The following PCED1B variants were observed in gnomAD, a reference collection of about 807,000 sequenced individuals.
The protein encoded by PCED1B is PC-esterase domain containing 1B.
For missense variants in PCED1B, 573 were observed against 573.9 expected (o/e 1.00, Z 0.02); for synonymous variants, 251 against 246.1 (o/e 1.02, Z -0.19).
intron 3 of PCED1B, among the ~76,000 whole-genome samples, chr12:47,224,380 G>C (rs1943573255): frequency 6.6e-6 from 1 of 152,130 alleles, no homozygotes; most frequent in South Asian, 2.1e-4. Flanking sequence ...GTTTATATTA[G>C]ACTATTATTA....
intron 3 of PCED1B, among the ~76,000 whole-genome samples, chr12:47,219,393 G>C (rs79043116): frequency 0.019 from 2,899 of 152,304 alleles, 41 homozygotes; most frequent in Non-Finnish European, 0.033. Context: ...CTCAACCCTA[G>C]ATTCCTGTTA....
intron 2 of PCED1B, among the ~76,000 whole-genome samples, chr12:47,157,013 A>G (rs2137482263): frequency 6.6e-6 from 1 of 152,174 alleles, no homozygotes; most frequent in African/African-American, 2.4e-5. Context: ...TTATAGTAAA[A>G]CTTGTCTCCT....
At chr12:47,095,818 T>C (rs1476686956) in intron 1 of PCED1B, among the ~76,000 whole-genome samples, 1 of 152,244 alleles carries the variant, frequency 6.6e-6, no homozygotes, top group Non-Finnish European at 1.5e-5. Flanking sequence ...ATCATTTCAC[T>C]ATTTATTTTT....
intron 2 of PCED1B, among the ~76,000 whole-genome samples, chr12:47,211,690 G>A (rs1212156986): frequency 6.7e-6 from 1 of 148,218 alleles, no homozygotes; most frequent in East Asian, 2.0e-4. Context: ...GGGCGCAGTG[G>A]CTCAGGCCTG....
chr12:47,202,027 T>C (rs996360547), intron 2 of PCED1B, among the ~76,000 whole-genome samples: 9 of 152,228 alleles, frequency 5.9e-5, no homozygotes, highest in Admixed American at 2.6e-4. Context: ...GATCAAGTAC[T>C]ATATTAGTTA....
In PCED1B at chr12:47,235,060, C is replaced by G; in HGVS notation, c.-4C>G. The G allele has an allele frequency of 6.6e-7, 1 of 1,522,916 alleles. No homozygotes were observed. The highest frequency in any genetic ancestry group is 8.8e-7 in the Non-Finnish European group (1 of 1,137,342). The allele number at this position is 1,522,916 out of a possible 1,614,324, so 94.3% of individuals were successfully genotyped here. ...AAGGAGCTAGGCTGTGCGCCCTGGG[C>G]GTCATGATCCTTCTGCGGGCCTCCG... On this transcript the variant is annotated 5_prime_UTR_variant, in exon 4 of 4. Transcript: ENST00000546455.
intron 2 of PCED1B, among the ~76,000 whole-genome samples, chr12:47,174,442 A>AAAAT (rs145322012): frequency 0.019 from 2,826 of 150,974 alleles, 74 homozygotes; most frequent in African/African-American, 0.062. Flanking sequence ...ACAAACAAAC[A>AAAAT]AAATAAATAA....
rs992423167 is a variant in PCED1B, at chr12:47,200,648, T to C, written c.-525-15574T>C. Among the ~76,000 whole-genome samples the C allele has an allele frequency of 1.3e-5, 2 of 152,202 alleles. 1 individual carries two copies. The highest frequency in any genetic ancestry group is 1.3e-4 in the Admixed American group (2 of 15,278). ...GCTAAAGACTTATGACCACCCCAAA[T>C]CCTGCATTTGAATGTTTGTAGCAGC... On this transcript the variant is annotated intron_variant, in intron 2 of 3. Transcript: ENST00000546455.
intron 2 of PCED1B, among the ~76,000 whole-genome samples, chr12:47,143,298 A>G (rs1368311942): frequency 6.6e-6 from 1 of 152,186 alleles, no homozygotes; most frequent in East Asian, 1.9e-4. Context: ...AGATGACATG[A>G]TCTTGTACGT....
At chr12:47,163,612 T>G (rs948034566) in intron 2 of PCED1B, among the ~76,000 whole-genome samples, 1 of 152,240 alleles carries the variant, frequency 6.6e-6, no homozygotes, top group Non-Finnish European at 1.5e-5. Context: ...TTGACTTGTT[T>G]TTTAATTATG....
At position 47,235,696 on chromosome 12, in the gene PCED1B, A is replaced by G. The variant is rs1478518659; in HGVS notation, c.633A>G (p.Val211=). The change falls in exon 4 of 4, where the codon GTA becomes GTG. Residue 211 remains valine (V), a synonymous_variant. Coordinates refer to ENST00000546455, the MANE Select transcript of PCED1B (RefSeq NM_138371.3). The part of the protein sequence containing the change: ...ATEARKHNFD[V]LDLHFHFRHA... ...AGGCACGTAAACATAACTTCGATGT[A>G]CTGGACTTGCATTTCCACTTCCGCC... 6.2e-7 allele frequency: 1 copy of G among 1,613,026 alleles called. No individual in the cohort carries two copies. The highest frequency in any genetic ancestry group is 1.3e-5 in the African/African-American group (1 of 74,904).
In PCED1B at chr12:47,218,365, C is replaced by T. The variant is rs188854644; in HGVS notation, c.-58+1676C>T. ...TCCTCAGCTTCCTTAGTCCCTGGAC[C>T]TTGCTTGTCCTTTCTTCCGCTCCAA... On this transcript the variant is annotated intron_variant, in intron 3 of 3. Transcript: ENST00000546455. Among the ~76,000 whole-genome samples, 6 of 152,380 alleles carry T rather than the reference C, an allele frequency of 3.9e-5. No homozygotes were observed. In the East Asian group the frequency reaches 1.2e-3, roughly 29 times the overall value.
chr12:47,184,447 C>T (rs1942192267), intron 2 of PCED1B, among the ~76,000 whole-genome samples: 1 of 152,194 alleles, frequency 6.6e-6, no homozygotes, highest in East Asian at 1.9e-4. Context: ...TAACCATCTG[C>T]TCTCGGTAAC....
intron 2 of PCED1B, among the ~76,000 whole-genome samples, chr12:47,183,933 G>C (rs543710212): frequency 6.6e-6 from 1 of 152,228 alleles, no homozygotes. Flanking sequence ...GATACTGCAT[G>C]AACAGAACAG....
intron 2 of PCED1B, among the ~76,000 whole-genome samples, chr12:47,194,231 G>A (rs550455951): frequency 1.3e-5 from 2 of 152,326 alleles, no homozygotes; most frequent in East Asian, 3.9e-4. Flanking sequence ...CTGGAGTGCA[G>A]TGGCACGATC....
At chr12:47,162,723 C>T (rs907208673) in intron 2 of PCED1B, among the ~76,000 whole-genome samples, 21 of 152,256 alleles carry the variant, frequency 1.4e-4, no homozygotes, top group Non-Finnish European at 2.2e-4. Flanking sequence ...AGAACAAGAA[C>T]GCACTCATTA....
At chr12:47,128,578 CAAT>C (rs1939994237) in intron 2 of PCED1B, among the ~76,000 whole-genome samples, 2 of 152,086 alleles carry the variant, frequency 1.3e-5, no homozygotes, top group Non-Finnish European at 2.9e-5. Context: ...ACTCTTGTAT[CAAT>C]AATATAGATT....
At chr12:47,124,964 G>C (rs1346743438) in intron 2 of PCED1B, among the ~76,000 whole-genome samples, 2 of 151,908 alleles carry the variant, frequency 1.3e-5, no homozygotes, top group Non-Finnish European at 1.5e-5. Context: ...ATCTGTGCTT[G>C]AATTTTCAGT....
intron 3 of PCED1B, among the ~76,000 whole-genome samples, chr12:47,217,619 C>T (rs1468637115): frequency 1.3e-5 from 2 of 152,164 alleles, no homozygotes; most frequent in African/African-American, 4.8e-5. Flanking sequence ...CTCTGCTGCT[C>T]AGGCTGGAGT....
Sources: allele counts gnomAD v4.1 joint callset (sites outside exome capture counted in the v4.1 genomes callset), GRCh38; gene constraint gnomAD v4.1.1; transcripts MANE v1.5; gene names NCBI Gene and HGNC (gene_info 2026-07-23, HGNC 2026-07-21).